The following COPG2 variants were observed in gnomAD, a reference collection of about 807,000 sequenced individuals.
COPG2 encodes coatomer subunit gamma-2.
Under a neutral mutation model 46.3 loss-of-function variants are expected in COPG2, and 37 were observed. That is an observed-to-expected ratio of 0.80 (90% CI 0.61 to 1.05). COPG2 has a LOEUF of 1.05. Ranked by LOEUF, COPG2 falls within the 50% of genes least tolerant of loss-of-function variation. The pLI, the probability that COPG2 is intolerant of heterozygous loss-of-function variation, is 0.00. For missense variants in COPG2, 427 were observed against 387.8 expected (o/e 1.10, Z -0.85); for synonymous variants, 159 against 129.7 (o/e 1.23, Z -1.53).
At chr7:130,654,692 G>A (rs80017510) in intron 4 of COPG2, among the ~76,000 whole-genome samples, 1 of 152,058 alleles carries the variant, frequency 6.6e-6, no homozygotes, top group Non-Finnish European at 1.5e-5. Flanking sequence ...AAAACCCATT[G>A]CAATTTTGAA....
Position 130,554,740 on chromosome 7 carries a change from A to G in COPG2, c.1225-16T>C. The G allele has an allele frequency of 2.5e-6, 1 of 398,656 alleles. No homozygotes were observed. Among genetic ancestry groups the G allele is most frequent in the Non-Finnish European group, 4.4e-6 (1 of 226,064 alleles). The allele number at this position is 398,656 out of a possible 1,614,324, so 24.7% of individuals were successfully genotyped here. ...CAAAGCCTCCCTGGCAAAAAAGAAG[A>G]TAAAACTGCCATTCATTCTAGGGAC... is the stretch of plus-strand genomic sequence containing the variant. On this transcript the variant is annotated splice_polypyrimidine_tract_variant and intron_variant, in intron 13 of 23. Coordinates refer to ENST00000425248, the MANE Select transcript of COPG2 (RefSeq NM_012133.6).
intron 7 of COPG2, 102 bp from the exon 8 acceptor site, chr7:130,612,340 G>T: frequency 1.4e-6 from 1 of 705,140 alleles, no homozygotes; most frequent in Non-Finnish European, 2.3e-6. Flanking sequence ...TTTCCCAAGA[G>T]GAAGAAAACT....
chr7:130,618,160 G>A (rs1475348214), intron 5 of COPG2, among the ~76,000 whole-genome samples: 2 of 144,042 alleles, frequency 1.4e-5, no homozygotes, highest in Non-Finnish European at 3.0e-5. Context: ...AAATTTTGTA[G>A]CGTGGGCATT....
intron 9 of COPG2, among the ~76,000 whole-genome samples, chr7:130,598,033 G>A (rs572079963): frequency 7.2e-4 from 110 of 152,284 alleles, no homozygotes; most frequent in Non-Finnish European, 1.4e-3. Context: ...GGGATTCTTC[G>A]CCCAAGGACC....
At chr7:130,633,204 T>C (rs1554455455) in intron 5 of COPG2, among the ~76,000 whole-genome samples, 1 of 152,226 alleles carries the variant, frequency 6.6e-6, no homozygotes, top group Non-Finnish European at 1.5e-5. Context: ...GCAATAAACA[T>C]ACATGTGCAT....
chr7:130,506,839 G>C lies in COPG2; in HGVS notation c.2486-33C>G, dbSNP rs141676033. The C allele has an allele frequency of 1.9e-3, 1,480 of 760,392 alleles. 15 individuals are homozygous for C. The highest frequency in any genetic ancestry group is 2.0e-3 in the East Asian group (79 of 40,420). The allele number at this position is 760,392 out of a possible 1,614,324, so 47.1% of individuals were successfully genotyped here. On this transcript the variant is annotated intron_variant, in intron 23 of 23. Coordinates refer to ENST00000425248, the MANE Select transcript of COPG2 (RefSeq NM_012133.6). ...AAAAAAGTAAGGAAAACCATATTAA[G>C]AACCCAAAACAAGCACTGGATAATG...
At chr7:130,514,357 C>A (rs977202946) in intron 20 of COPG2, among the ~76,000 whole-genome samples, 1 of 152,050 alleles carries the variant, frequency 6.6e-6, no homozygotes, top group Non-Finnish European at 1.5e-5. Flanking sequence ...TTCTTTGTTT[C>A]CAGGTACAGA....
At chr7:130,507,891 T>A in intron 21 of COPG2, 68 bp from the exon 22 acceptor site, 2 of 747,716 alleles carry the variant, frequency 2.7e-6, no homozygotes, top group Non-Finnish European at 4.9e-6. Context: ...AAGGAACTAG[T>A]CAATATGGTC....
chr7:130,537,870 A>G (rs1468127224), intron 20 of COPG2, among the ~76,000 whole-genome samples: 1 of 152,194 alleles, frequency 6.6e-6, no homozygotes, highest in East Asian at 1.9e-4. Context: ...CCACAGAAAC[A>G]GGGTGTAGAG....
intron 5 of COPG2, among the ~76,000 whole-genome samples, chr7:130,650,998 G>C (rs186062262): frequency 6.6e-6 from 1 of 152,248 alleles, no homozygotes; most frequent in East Asian, 1.9e-4. Flanking sequence ...GTTTACATCT[G>C]CTTTTCTGTT....
chr7:130,607,432 T>A (rs1554451426), intron 9 of COPG2: 1 of 434,974 alleles, frequency 2.3e-6, no homozygotes, highest in Admixed American at 2.7e-5. Context: ...TGGCAATTTT[T>A]ACCATCTATT....
intron 9 of COPG2, among the ~76,000 whole-genome samples, chr7:130,604,564 T>C (rs1350149308): frequency 2.6e-5 from 4 of 152,236 alleles, no homozygotes; most frequent in African/African-American, 4.8e-5. Context: ...TGAGCTCTAA[T>C]AGATAATGTA....
At position 130,632,743 on chromosome 7, in the gene COPG2, A is replaced by AT. The variant is rs559311178; in HGVS notation, c.324-15679dup. 1.6e-4 allele frequency among the ~76,000 whole-genome samples: 25 copies of AT among 151,688 alleles called. No individual in the cohort carries two copies. In the East Asian group the frequency reaches 3.9e-3, roughly 23 times the overall value. On this transcript the variant is annotated intron_variant, in intron 5 of 23. Transcript: ENST00000425248. ...ATTCTGCTACTGAGATGAACCAATG[A>AT]TTTTTTTTATTATTATTATACTTTA...
At chr7:130,561,673 C>T (rs1006615804) in intron 11 of COPG2, among the ~76,000 whole-genome samples, 3 of 152,176 alleles carry the variant, frequency 2.0e-5, no homozygotes, top group Admixed American at 6.5e-5. Context: ...ACATGGTCTG[C>T]CATTCTCCTG....
intron 20 of COPG2, among the ~76,000 whole-genome samples, chr7:130,534,337 G>A (rs2116362997): frequency 6.6e-6 from 1 of 152,246 alleles, no homozygotes; most frequent in South Asian, 2.1e-4. Flanking sequence ...CAGCATGTGG[G>A]GAGAAAGATG....
In COPG2 at chr7:130,567,772, C is replaced by T. The variant is rs1034198635; in HGVS notation, c.738-3379G>A. ...CAGATAAACAGATGCTGAGAGAATT[C>T]GCCACCACCAAGCCAGCACTACAAT... On this transcript the variant is annotated intron_variant, in intron 9 of 23. Transcript: ENST00000425248. 1.6e-4 allele frequency among the ~76,000 whole-genome samples: 25 copies of T among 152,166 alleles called. 1 individual carries two copies. Among genetic ancestry groups the T allele is most frequent in the Admixed American group, 1.2e-3 (18 of 15,292 alleles).
chr7:130,615,852 C>T (rs1375434642), intron 6 of COPG2, among the ~76,000 whole-genome samples: 1 of 152,186 alleles, frequency 6.6e-6, no homozygotes, highest in Admixed American at 6.5e-5. Flanking sequence ...TGCTGAGCCA[C>T]CTGTGGGCCA....
intron 7 of COPG2, 144 bp from the exon 8 acceptor site, chr7:130,612,382 T>C (rs1794868018): frequency 1.7e-6 from 1 of 592,910 alleles, no homozygotes; most frequent in African/African-American, 1.9e-5. Context: ...TTTGTGTCTT[T>C]ACTCCTGGAG....
At chr7:130,507,192 A>G in intron 23 of COPG2, 82 bp downstream of exon 23, 1 of 756,404 alleles carries the variant, frequency 1.3e-6, no homozygotes, top group East Asian at 2.4e-5. Context: ...ATGGGACAAC[A>G]GCAAGGCATA....
Sources: gnomAD v4.1 joint callset for allele counts (sites outside exome capture counted in the v4.1 genomes callset) on GRCh38, gnomAD v4.1.1 for gene constraint, MANE v1.5 for transcripts, NCBI Gene and HGNC (gene_info 2026-07-23, HGNC 2026-07-21) for gene names.